FER1L6: variants seen among roughly 807,000 people sequenced by gnomAD.
FER1L6 encodes the protein fer-1-like protein 6.
A neutral mutation model predicts 219.2 loss-of-function variants in FER1L6; 177 were observed. The observed-to-expected ratio is 0.81, with a 90% CI of 0.71 to 0.91. FER1L6 has a LOEUF of 0.91. Ranked by LOEUF, FER1L6 falls within the 40% of genes least tolerant of loss-of-function variation. FER1L6 has a pLI of 0.00. For missense variants in FER1L6, 2,153 were observed against 2,259.9 expected (o/e 0.95, Z 0.96); for synonymous variants, 768 against 824.3 (o/e 0.93, Z 1.17).
At chr8:124,046,460 A>G (rs1195766553) in intron 21 of FER1L6, 1 of 152,114 alleles carries the variant, frequency 6.6e-6, no homozygotes, top group Non-Finnish European at 1.5e-5. Context: ...TGTGTGCTGA[A>G]CCCTTGGATA....
intron 34 of FER1L6, among the ~76,000 whole-genome samples, chr8:124,092,865 T>C (rs920918584): frequency 1.3e-5 from 2 of 150,832 alleles, no homozygotes; most frequent in African/African-American, 4.9e-5. Flanking sequence ...TTTTTTTTTT[T>C]TTTTTTTTGA....
At chr8:124,096,179 C>T (rs1822280071) in intron 35 of FER1L6, among the ~76,000 whole-genome samples, 1 of 152,122 alleles carries the variant, frequency 6.6e-6, no homozygotes, top group Non-Finnish European at 1.5e-5. Context: ...AAATTCACTG[C>T]CAGGTGTTTG....
intron 25 of FER1L6, among the ~76,000 whole-genome samples, chr8:124,063,363 CTT>C (rs1383031671): frequency 6.6e-6 from 1 of 152,156 alleles, no homozygotes; most frequent in Non-Finnish European, 1.5e-5. Context: ...TTAAGGAACG[CTT>C]TCTCACCCCT....
chr8:123,905,237 C>CA (rs1812930748), intron 1 of FER1L6, among the ~76,000 whole-genome samples: 1 of 152,108 alleles, frequency 6.6e-6, no homozygotes, highest in Admixed American at 6.5e-5. Context: ...ACTCTCCCTC[C>CA]CCCCAACACC....
rs892621124 is a variant in FER1L6 at position 124,057,021 on chromosome 8, G to A, written c.2875-3159G>A. ...ATCGCACCTCTGCACTCCAGCCTGG[G>A]TGACAGAGTGAGACTGTCTCAAAAA... On this transcript the variant is annotated intron_variant, in intron 22 of 40. Transcript: ENST00000522917. 2.0e-5 allele frequency among the ~76,000 whole-genome samples: 3 copies of A among 152,098 alleles called. No homozygotes were observed. The East Asian group carries it at 5.8e-4, about 29-fold the overall frequency.
intron 21 of FER1L6, 151 bp downstream of exon 21, chr8:124,046,052 G>C: frequency 1.2e-6 from 1 of 809,752 alleles, no homozygotes; most frequent in Non-Finnish European, 1.8e-6. Flanking sequence ...TCTGAAAACA[G>C]TTCACAGAAC....
intron 10 of FER1L6, 113 bp from the exon 11 acceptor site, chr8:123,980,352 C>T: frequency 1.2e-6 from 1 of 856,702 alleles, no homozygotes; most frequent in South Asian, 1.8e-5. Context: ...CATGGGATAT[C>T]CTGTCAATAT....
chr8:124,098,558 T>C (rs913140463), intron 37 of FER1L6, among the ~76,000 whole-genome samples: 1 of 152,192 alleles, frequency 6.6e-6, no homozygotes, highest in Non-Finnish European at 1.5e-5. Context: ...AATTCTCATT[T>C]TTTTCACAAT....
chr8:124,082,486 T>A (rs1343457149), intron 33 of FER1L6, 28 bp downstream of exon 33: 5 of 1,605,236 alleles, frequency 3.1e-6, no homozygotes, highest in Admixed American at 1.7e-5. Flanking sequence ...GGGAGACACT[T>A]GGTATTCTGA....
intron 1 of FER1L6, among the ~76,000 whole-genome samples, chr8:123,933,370 ATG>A (rs944780279): frequency 1.5e-5 from 2 of 132,538 alleles, no homozygotes; most frequent in African/African-American, 5.5e-5. Flanking sequence ...ATCATAGCAT[ATG>A]TGTGTCTGTG....
At chr8:123,882,982 G>T (rs1322075204) in intron 1 of FER1L6, among the ~76,000 whole-genome samples, 1 of 152,288 alleles carries the variant, frequency 6.6e-6, no homozygotes, top group African/African-American at 2.4e-5. Context: ...ATGTGTGGGG[G>T]TTGGGGGTGT....
chr8:123,897,021 A>C (rs1016200197), intron 1 of FER1L6, among the ~76,000 whole-genome samples: 2 of 152,142 alleles, frequency 1.3e-5, no homozygotes, highest in African/African-American at 4.8e-5. Flanking sequence ...ATTCAGGCCG[A>C]AATTCTTTAT....
chr8:123,973,656 T>C, intron 7 of FER1L6, 144 bp downstream of exon 7: 2 of 681,846 alleles, frequency 2.9e-6, no homozygotes, highest in East Asian at 2.6e-5. Context: ...GAGACATAAC[T>C]CTTGCCCTCA....
At chr8:124,082,266 G>C in intron 32 of FER1L6, 22 bp from the exon 33 acceptor site, 1 of 1,599,874 alleles carries the variant, frequency 6.3e-7, no homozygotes, top group Non-Finnish European at 8.5e-7. Flanking sequence ...ACTGACTCTT[G>C]AAGTCTCTGC....
chr8:124,068,232 A>G (rs965223368), intron 28 of FER1L6, among the ~76,000 whole-genome samples: 3 of 152,186 alleles, frequency 2.0e-5, no homozygotes, highest in Non-Finnish European at 4.4e-5. Context: ...ATTCAAGCCA[A>G]CAGTAAGTCT....
chr8:124,077,265 A>G (rs1291040921), intron 32 of FER1L6, among the ~76,000 whole-genome samples: 1 of 152,194 alleles, frequency 6.6e-6, no homozygotes, highest in African/African-American at 2.4e-5. Flanking sequence ...CCAGCACACA[A>G]CTGACACTCA....
At chr8:123,977,988 A>C (rs1213306468) in intron 10 of FER1L6, among the ~76,000 whole-genome samples, 2 of 152,166 alleles carry the variant, frequency 1.3e-5, no homozygotes, top group East Asian at 3.9e-4. Context: ...GTACTGGTCC[A>C]TGGCTCTGGG....
At chr8:123,934,877 C>A (rs141363130) in intron 1 of FER1L6, among the ~76,000 whole-genome samples, 3 of 152,132 alleles carry the variant, frequency 2.0e-5, no homozygotes, top group Admixed American at 2.0e-4. Flanking sequence ...TGGCACTTAA[C>A]CCCTTGCACT....
intron 39 of FER1L6, among the ~76,000 whole-genome samples, chr8:124,103,782 A>T (rs762616054): frequency 6.6e-6 from 1 of 152,192 alleles, no homozygotes; most frequent in Non-Finnish European, 1.5e-5. Flanking sequence ...CCTTTCACAA[A>T]TATTGGGAAG....
Sources: gnomAD v4.1 joint callset for allele counts (sites outside exome capture counted in the v4.1 genomes callset) on GRCh38, gnomAD v4.1.1 for gene constraint, MANE v1.5 for transcripts, NCBI Gene and HGNC (gene_info 2026-07-23, HGNC 2026-07-21) for gene names.